Variants in LRRC40 observed in about 807,000 individuals in gnomAD.
The protein encoded by LRRC40 is leucine-rich repeat-containing protein 40.
LRRC40 carries 76 observed loss-of-function variants against 72.8 expected under a neutral mutation model. That is an observed-to-expected ratio of 1.04 (90% CI 0.87 to 1.26). The LOEUF (loss-of-function observed/expected upper bound fraction) is 1.26. Among genes scored for constraint, LRRC40 ranks in the 50% most tolerant of loss-of-function variants. The pLI is 0.00. For missense variants in LRRC40, 684 were observed against 698.9 expected (o/e 0.98, Z 0.24); for synonymous variants, 243 against 254.2 (o/e 0.96, Z 0.42).
chr1:70,195,801 A>G (rs541618786), intron 1 of LRRC40, among the ~76,000 whole-genome samples: 1 of 152,174 alleles, frequency 6.6e-6, no homozygotes, highest in East Asian at 1.9e-4. Context: ...ATGCCTGGCT[A>G]ATTTTTGTAT....
rs114490423 is a variant in LRRC40, at chr1:70,150,588, G to T, written c.1517+540C>A. Among the ~76,000 whole-genome samples the T allele has an allele frequency of 5.5e-3, 843 of 152,272 alleles. 8 individuals carry two copies. The highest frequency in any genetic ancestry group is 0.019 in the African/African-American group (795 of 41,554). ...GTTTCGTTGAGCACAAAAAGCTCAA[G>T]GTCTGGCTACTGCTTACTTGCCAGA... On this transcript the variant is annotated intron_variant, in intron 13 of 14. Coordinates refer to ENST00000370952, the MANE Select transcript of LRRC40 (RefSeq NM_017768.5).
chr1:70,197,560 T>C (rs1571497707), intron 1 of LRRC40, among the ~76,000 whole-genome samples: 1 of 151,166 alleles, frequency 6.6e-6, no homozygotes, highest in African/African-American at 2.4e-5. Flanking sequence ...ATTATAATCA[T>C]GGGCAATCAC....
rs777514152 is a variant in LRRC40, at chr1:70,205,566, G to A, written c.-26C>T. On this transcript the variant is annotated 5_prime_UTR_variant, in exon 1 of 15. Transcript: ENST00000370952. ...GTTCAAAGTCCTAGGTCCAGAAGCT[G>A]CAGCCCCACCCGTGACGCTTAAAGG... 6.4e-7 allele frequency: 1 copy of A among 1,567,236 alleles called. No individual in the cohort carries two copies. Among genetic ancestry groups the A allele is most frequent in the Non-Finnish European group, 8.7e-7 (1 of 1,145,272 alleles).
intron 1 of LRRC40, among the ~76,000 whole-genome samples, chr1:70,194,489 A>T (rs1037956445): frequency 1.3e-5 from 2 of 152,130 alleles, no homozygotes; most frequent in African/African-American, 4.8e-5. Flanking sequence ...CCATATTACA[A>T]AGATGTCGCT....
chr1:70,194,114 TAAAAG>T (rs2100341278), intron 1 of LRRC40, among the ~76,000 whole-genome samples: 1 of 151,994 alleles, frequency 6.6e-6, no homozygotes, highest in East Asian at 1.9e-4. Context: ...AAGAAATAAA[TAAAAG>T]AAACAAAAGG....
intron 9 of LRRC40, among the ~76,000 whole-genome samples, chr1:70,160,215 C>T (rs749751672): frequency 5.3e-5 from 8 of 152,110 alleles, no homozygotes; most frequent in Admixed American, 2.0e-4. Context: ...AGCATTAGCA[C>T]ATAAGAGCAG....
intron 5 of LRRC40, among the ~76,000 whole-genome samples, 177 bp from the exon 6 acceptor site, chr1:70,179,170 T>C (rs1668186981): frequency 6.6e-6 from 1 of 152,156 alleles, no homozygotes; most frequent in South Asian, 2.1e-4. Context: ...TACATTTAAT[T>C]ATAATTAAAG....
At chr1:70,161,548 C>CAA (rs59986416) in intron 9 of LRRC40, among the ~76,000 whole-genome samples, 2 of 118,100 alleles carry the variant, frequency 1.7e-5, no homozygotes, top group Non-Finnish European at 3.8e-5. Flanking sequence ...GGCTCCCTCT[C>CAA]AAAAAAAAAA....
rs1197244690 is a variant in LRRC40, at chr1:70,145,663, C to T, written c.*137G>A. 2.9e-5 allele frequency: 14 copies of T among 489,850 alleles called. No individual in the cohort carries two copies. The highest frequency in any genetic ancestry group is 4.1e-5 in the South Asian group (1 of 24,104). The allele number at this position is 489,850 out of a possible 1,614,324, so 30.3% of individuals were successfully genotyped here. A position where few individuals can be genotyped will look rare whatever the true frequency, so the allele number is the denominator to read the frequency against. On this transcript the variant is annotated 3_prime_UTR_variant, in exon 15 of 15. Transcript: ENST00000370952. ...ATATGGCCCAGGCTAATTATACCAA[C>T]AGGTAGGTGATACTGGGAAACTACA...
intron 3 of LRRC40, among the ~76,000 whole-genome samples, chr1:70,186,787 C>A (rs1490867700): frequency 6.6e-6 from 1 of 152,084 alleles, no homozygotes; most frequent in Non-Finnish European, 1.5e-5. Flanking sequence ...CCAGTATGTC[C>A]ATGACAGTTA....
At chr1:70,200,534 G>T (rs898249741) in intron 1 of LRRC40, among the ~76,000 whole-genome samples, 2 of 151,830 alleles carry the variant, frequency 1.3e-5, no homozygotes, top group African/African-American at 2.4e-5. Context: ...GAGAGAGAAA[G>T]AATTAAAGTA....
At chr1:70,189,002 T>C (rs1215798143) in intron 2 of LRRC40, 90 bp downstream of exon 2, 2 of 1,116,660 alleles carry the variant, frequency 1.8e-6, no homozygotes, top group Admixed American at 4.4e-5. Context: ...CATTACCAAC[T>C]CAACATGAAA....
intron 9 of LRRC40, among the ~76,000 whole-genome samples, chr1:70,163,178 C>T (rs1417200791): frequency 1.3e-5 from 2 of 151,604 alleles, no homozygotes; most frequent in South Asian, 2.1e-4. Flanking sequence ...CTGGTTCAAG[C>T]GATTCTCCTG....
intron 4 of LRRC40, among the ~76,000 whole-genome samples, chr1:70,182,582 A>T (rs934207031): frequency 6.6e-6 from 1 of 151,860 alleles, no homozygotes; most frequent in East Asian, 2.0e-4. Context: ...AACCCAAATA[A>T]TTCTAATAAA....
chr1:70,151,154 C>G lies in LRRC40; in HGVS notation c.1491G>C (p.Leu497=), dbSNP rs746225765. ...TATTAAAGGAAAGATTGATCGTTTG[C>G]AGTCTTACCAGTGATTCCATTTCTT... ...LPEEMESLVR[L]QTINLSFNRF... Residue 497 remains leucine, a synonymous_variant, in exon 13 of 15, where the codon CTG becomes CTC. Coordinates refer to ENST00000370952, the MANE Select transcript of LRRC40 (RefSeq NM_017768.5). 6.3e-7 allele frequency: 1 copy of G among 1,583,770 alleles called. No individual in the cohort carries two copies. Among genetic ancestry groups the G allele is most frequent in the Non-Finnish European group, 8.7e-7 (1 of 1,154,728 alleles).
intron 11 of LRRC40, among the ~76,000 whole-genome samples, chr1:70,153,157 T>G (rs914375251): frequency 6.6e-6 from 1 of 152,088 alleles, no homozygotes; most frequent in African/African-American, 2.4e-5. Flanking sequence ...GGTCAGGAGT[T>G]CAAGACCAGC....
chr1:70,150,150 C>A (rs920837862), intron 13 of LRRC40, among the ~76,000 whole-genome samples: 3 of 152,126 alleles, frequency 2.0e-5, no homozygotes, highest in African/African-American at 7.2e-5. Context: ...AACTCCTGAC[C>A]TCAGGTGATC....
intron 4 of LRRC40, among the ~76,000 whole-genome samples, chr1:70,182,441 T>C (rs993140326): frequency 6.6e-6 from 1 of 152,044 alleles, no homozygotes; most frequent in Non-Finnish European, 1.5e-5. Context: ...GAAAGTTGGA[T>C]GTAGGGTATA....
intron 9 of LRRC40, among the ~76,000 whole-genome samples, chr1:70,162,904 T>C (rs1667795128): frequency 1.3e-5 from 2 of 152,226 alleles, no homozygotes; most frequent in African/African-American, 2.4e-5. Flanking sequence ...AATTATTTTA[T>C]GCCCAATTTA....
Sources: gnomAD v4.1 joint callset for allele counts (sites outside exome capture counted in the v4.1 genomes callset) on GRCh38, gnomAD v4.1.1 for gene constraint, MANE v1.5 for transcripts, NCBI Gene and HGNC (gene_info 2026-07-23, HGNC 2026-07-21) for gene names.